STARD13: variants seen among roughly 807,000 people sequenced by gnomAD.
The protein encoded by STARD13 is StAR related lipid transfer domain containing 13.
STARD13 carries 62 observed loss-of-function variants against 106.4 expected under a neutral mutation model. The observed-to-expected ratio is 0.58, with a 90% CI of 0.48 to 0.72. The LOEUF is 0.72. Ranked by LOEUF, STARD13 falls within the 30% of genes least tolerant of loss-of-function variation. The pLI, the probability that STARD13 is intolerant of heterozygous loss-of-function variation, is 0.00. For synonymous variants in STARD13, 565 were observed against 553.0 expected (o/e 1.02, Z -0.31); for missense variants, 1,387 against 1,424.0 (o/e 0.97, Z 0.42).
the STARD13 span, among the ~76,000 whole-genome samples, chr13:33,593,929 C>A: frequency 2.6e-4 from 40 of 151,920 alleles, 1 homozygote; most frequent in Admixed American, 2.5e-3. Context: ...TTTTTTGAGA[C>A]GGAGTCTTGC....
chr13:33,389,289 C>G, the STARD13 span, among the ~76,000 whole-genome samples: 1 of 151,968 alleles, frequency 6.6e-6, no homozygotes, highest in Non-Finnish European at 1.5e-5. Context: ...TAAGACAACA[C>G]CCAGTACATA....
chr13:33,661,592 G>A, the STARD13 span, among the ~76,000 whole-genome samples: 1 of 152,184 alleles, frequency 6.6e-6, no homozygotes, highest in South Asian at 2.1e-4. Context: ...CATGGCAGAA[G>A]GCACTTCTTC....
chr13:33,500,857 T>C, the STARD13 span, among the ~76,000 whole-genome samples: 9 of 152,124 alleles, frequency 5.9e-5, no homozygotes, highest in South Asian at 2.1e-4. Flanking sequence ...TATGGGGACA[T>C]TGATTCTCTT....
At chr13:33,327,518 G>A (rs1184768337) in intron 1 of STARD13, among the ~76,000 whole-genome samples, 2 of 151,988 alleles carry the variant, frequency 1.3e-5, no homozygotes, top group Non-Finnish European at 2.9e-5. Flanking sequence ...TACAGGCATG[G>A]GCCACCACAT....
At chr13:33,536,390 A>G in the STARD13 span, among the ~76,000 whole-genome samples, 3 of 152,252 alleles carry the variant, frequency 2.0e-5, no homozygotes, top group Non-Finnish European at 4.4e-5. Context: ...AATGAAAACT[A>G]ATAAAAAATA....
At chr13:33,549,863 A>T in the STARD13 span, among the ~76,000 whole-genome samples, 2 of 152,186 alleles carry the variant, frequency 1.3e-5, no homozygotes, top group Non-Finnish European at 2.9e-5. Context: ...ACATAGTTAT[A>T]GCCCAGAGGT....
At chr13:33,428,181 A>G in the STARD13 span, among the ~76,000 whole-genome samples, 2 of 152,216 alleles carry the variant, frequency 1.3e-5, no homozygotes, top group Non-Finnish European at 2.9e-5. Flanking sequence ...ATGACTTAAT[A>G]TGGATTAAAG....
At chr13:33,655,925 A>G in the STARD13 span, among the ~76,000 whole-genome samples, 1 of 152,100 alleles carries the variant, frequency 6.6e-6, no homozygotes, top group Non-Finnish European at 1.5e-5. Flanking sequence ...AATGGGAAAC[A>G]TATTAGAAGC....
the STARD13 span, among the ~76,000 whole-genome samples, chr13:33,604,807 A>G: frequency 6.6e-6 from 1 of 152,100 alleles, no homozygotes; most frequent in Non-Finnish European, 1.5e-5. Flanking sequence ...TTTAAAAAAA[A>G]AAAAAAGAAT....
the STARD13 span, among the ~76,000 whole-genome samples, chr13:33,629,171 G>A: frequency 2.6e-5 from 4 of 152,124 alleles, no homozygotes; most frequent in Admixed American, 6.5e-5. Context: ...CCAACTCCAC[G>A]GGCCAAACGC....
the STARD13 span, among the ~76,000 whole-genome samples, chr13:33,577,896 GA>G: frequency 6.6e-6 from 1 of 152,038 alleles, no homozygotes; most frequent in Non-Finnish European, 1.5e-5. Context: ...TCTGTTTTGT[GA>G]AAGATGCTGT....
At chr13:33,649,678 A>G in the STARD13 span, among the ~76,000 whole-genome samples, 1 of 152,184 alleles carries the variant, frequency 6.6e-6, no homozygotes, top group Non-Finnish European at 1.5e-5. Flanking sequence ...TGATGTCAAA[A>G]CACTCTAAAA....
chr13:33,106,095 C>T (rs11617752), intron 13 of STARD13, among the ~76,000 whole-genome samples: 36,954 of 152,072 alleles, frequency 0.24, 4,980 homozygotes, highest in African/African-American at 0.34. Context: ...CAAAGAACTA[C>T]CAGAGGGAGC....
At chr13:33,145,828 AC>A (rs1746092536) in intron 3 of STARD13, among the ~76,000 whole-genome samples, 1 of 152,338 alleles carries the variant, frequency 6.6e-6, no homozygotes, top group African/African-American at 2.4e-5. Flanking sequence ...AACTGTAGTG[AC>A]AGGAAACAGA....
intron 1 of STARD13, among the ~76,000 whole-genome samples, chr13:33,188,914 AT>A (rs1336721644): frequency 1.3e-5 from 2 of 152,204 alleles, no homozygotes; most frequent in Non-Finnish European, 2.9e-5. Flanking sequence ...GACTTTTGTA[AT>A]TATTTTCCGG....
intron 1 of STARD13, among the ~76,000 whole-genome samples, chr13:33,262,642 C>CACA (rs1472269251): frequency 9.6e-5 from 13 of 134,896 alleles, no homozygotes; most frequent in Admixed American, 1.5e-4. Flanking sequence ...CCCAGAACCC[C>CACA]CCCCCCCACA....
the STARD13 span, among the ~76,000 whole-genome samples, chr13:33,647,242 A>G: frequency 6.6e-6 from 1 of 152,248 alleles, no homozygotes; most frequent in African/African-American, 2.4e-5. Context: ...ACAGAAATTC[A>G]AAATATGTTT....
At chr13:33,636,626 T>G in the STARD13 span, among the ~76,000 whole-genome samples, 1 of 152,230 alleles carries the variant, frequency 6.6e-6, no homozygotes, top group Admixed American at 6.5e-5. Context: ...TTCTCAGAAG[T>G]CTATTCCTGT....
the STARD13 span, among the ~76,000 whole-genome samples, chr13:33,540,457 C>T: frequency 1.3e-5 from 2 of 152,114 alleles, no homozygotes; most frequent in Non-Finnish European, 2.9e-5. Context: ...GGATGCTGAA[C>T]AAAGGGAGGA....
Sources: gnomAD v4.1 joint callset for allele counts (sites outside exome capture counted in the v4.1 genomes callset) on GRCh38, gnomAD v4.1.1 for gene constraint, MANE v1.5 for transcripts, NCBI Gene and HGNC (gene_info 2026-07-23, HGNC 2026-07-21) for gene names.